DOCK11: variants seen among roughly 807,000 people sequenced by gnomAD.
DOCK11 encodes the protein dedicator of cytokinesis 11.
A neutral mutation model predicts 169.1 loss-of-function variants in DOCK11; 70 were observed. The observed-to-expected ratio is 0.41, with a 90% confidence interval of 0.34 to 0.51. The LOEUF is 0.51. Among genes scored for constraint, DOCK11 ranks in the 20% least tolerant of loss-of-function variants. The pLI, the probability that DOCK11 is intolerant of heterozygous loss-of-function variation, is 0.10. For synonymous variants in DOCK11, 529 were observed against 541.3 expected (o/e 0.98, Z 0.32); for missense variants, 1,166 against 1,538.8 (o/e 0.76, Z 4.05).
At chrX:118,525,870 T>A (rs933088973) in intron 1 of DOCK11, among the ~76,000 whole-genome samples, 3 of 111,600 alleles carry the variant, frequency 2.7e-5, no homozygotes. Context: ...AATACATAAA[T>A]CTTTAATGTT....
chrX:118,681,040 A>T lies in DOCK11; in HGVS notation c.5672-18A>T. On this transcript the variant is annotated intron_variant, in intron 49 of 52. Coordinates refer to ENST00000276202, the MANE Select transcript of DOCK11 (RefSeq NM_144658.4). ...ATGATTTTCTAAAGTCAGTAAATCA[A>T]TCTTAACATTTTAATAGCTTCAAAC... 1 of 1,134,515 alleles carries T rather than the reference A, an allele frequency of 8.8e-7. No individual in the cohort carries two copies. The highest frequency in any genetic ancestry group is 1.2e-6 in the Non-Finnish European group (1 of 857,333). The allele number at this position is 1,134,515 out of a possible 1,213,427, so 93.5% of individuals were successfully genotyped here.
chrX:118,509,163 T>A (rs1182138329), intron 1 of DOCK11, among the ~76,000 whole-genome samples: 1 of 111,820 alleles, frequency 8.9e-6, no homozygotes, highest in African/African-American at 3.3e-5. Context: ...CCTCTAGGAG[T>A]AAGTTCTTGC....
intron 44 of DOCK11, among the ~76,000 whole-genome samples, chrX:118,660,541 T>G (rs1476714503): frequency 1.8e-5 from 2 of 109,449 alleles, no homozygotes; most frequent in African/African-American, 6.7e-5. Flanking sequence ...CTCGGCTCAC[T>G]GCAAGCTCCA....
Position 118,568,080 on chromosome X carries a change from A to G in DOCK11, c.953A>G (p.Tyr318Cys), listed in dbSNP as rs761911366. 5 of 1,123,738 alleles carry G rather than the reference A, an allele frequency of 4.4e-6. No individual in the cohort carries two copies. Among genetic ancestry groups the G allele is most frequent in the Middle Eastern group, 2.7e-4 (1 of 3,703 alleles). The allele number at this position is 1,123,738 out of a possible 1,213,427, so 92.6% of individuals were successfully genotyped here. Residue 318 changes from tyrosine (Y) to cysteine (C), a missense_variant and splice_region_variant, in exon 10 of 53, where the codon TAT becomes TGT. By Grantham distance (194) the Tyr-to-Cys change is radical (BLOSUM62 -2). Coordinates refer to ENST00000276202, the MANE Select transcript of DOCK11 (RefSeq NM_144658.4). ...CATACTTATTTTTTAAAATTTTAGT[A>G]TGGAAGAGAAACTGAACAACTAAAC... ...ERSMHPELMK[Y>C]GRETEQLNKL...
Position 118,635,970 on chromosome X carries a change from A to C in DOCK11, c.3887-376A>C, listed in dbSNP as rs892945241. 5.4e-5 allele frequency among the ~76,000 whole-genome samples: 6 copies of C among 111,610 alleles called. No homozygotes were observed. The East Asian group carries it at 1.4e-3, about 26-fold the overall frequency. On this transcript the variant is annotated intron_variant, in intron 35 of 52. Coordinates refer to ENST00000276202, the MANE Select transcript of DOCK11 (RefSeq NM_144658.4). ...GCATTTGACCTTCTCAGAAAAATGC[A>C]CATAAACACACCATCTGGCATAAAA...
chrX:118,598,265 T>G (rs2014230836), intron 22 of DOCK11, 149 bp downstream of exon 22: 1 of 383,363 alleles, frequency 2.6e-6, no homozygotes, highest in African/African-American at 2.6e-5. Context: ...CAGTGGCTCA[T>G]GCCTGTAATC....
intron 13 of DOCK11, among the ~76,000 whole-genome samples, chrX:118,579,306 G>C (rs780716850): frequency 1.2e-3 from 136 of 111,609 alleles, no homozygotes; most frequent in Non-Finnish European, 2.3e-3. Flanking sequence ...TCAAATGTTT[G>C]GAAATCATCG....
At chrX:118,564,751 C>CCCTTCCTT (rs377633444) in intron 7 of DOCK11, among the ~76,000 whole-genome samples, 276 of 101,507 alleles carry the variant, frequency 2.7e-3, no homozygotes, top group African/African-American at 9.1e-3. Context: ...TTCCTTCTTT[C>CCCTTCCTT]CCTTCCTTCC....
chrX:118,668,091 TC>T lies in DOCK11; in HGVS notation c.5077-2930del, dbSNP rs995199753. On this transcript the variant is annotated intron_variant, in intron 45 of 52. Coordinates refer to ENST00000276202, the MANE Select transcript of DOCK11 (RefSeq NM_144658.4). Reference sequence around the variant, plus strand: ...CACGGAACAATTTTACTTTTTCTAATCCTGTATGCTTTTTCTCTTTCTCTTG... The same window carrying T: ...CACGGAACAATTTTACTTTTTCTAATCTGTATGCTTTTTCTCTTTCTCTTG... 3.6e-5 allele frequency among the ~76,000 whole-genome samples: 4 copies of T among 112,074 alleles called. No individual in the cohort carries two copies. The Admixed American group carries it at 3.8e-4, about 11-fold the overall frequency.
At chrX:118,591,097 C>T (rs2013979472) in intron 19 of DOCK11, among the ~76,000 whole-genome samples, 1 of 112,272 alleles carries the variant, frequency 8.9e-6, no homozygotes, top group African/African-American at 3.2e-5. Context: ...GCTGTCCCTG[C>T]TTCTCAGTCC....
intron 6 of DOCK11, among the ~76,000 whole-genome samples, chrX:118,558,682 C>T (rs778951103): frequency 1.8e-5 from 2 of 112,062 alleles, no homozygotes; most frequent in South Asian, 3.7e-4. Flanking sequence ...AGAGACCTTA[C>T]AATTTGTTGT....
At chrX:118,570,755 G>A (rs745838026) in intron 10 of DOCK11, among the ~76,000 whole-genome samples, 10 of 111,924 alleles carry the variant, frequency 8.9e-5, no homozygotes, top group Non-Finnish European at 1.7e-4. Context: ...TGCCTACAAT[G>A]TCTATGGCCT....
chrX:118,670,353 G>A (rs1029392264), intron 45 of DOCK11, among the ~76,000 whole-genome samples: 4 of 111,409 alleles, frequency 3.6e-5, no homozygotes, highest in African/African-American at 6.5e-5. Flanking sequence ...TGTTTTCATC[G>A]TTGAGAACAT....
intron 24 of DOCK11, among the ~76,000 whole-genome samples, chrX:118,607,380 G>T (rs1217106562): frequency 9.8e-6 from 1 of 101,923 alleles, no homozygotes; most frequent in Non-Finnish European, 2.0e-5. Flanking sequence ...CACCCAAAGT[G>T]CTGGGATTAC....
intron 24 of DOCK11, 85 bp downstream of exon 24, chrX:118,605,441 TC>T: frequency 1.5e-6 from 1 of 653,122 alleles, no homozygotes; most frequent in Non-Finnish European, 2.4e-6. Context: ...ACTATAAACT[TC>T]CCTCTTAGAA....
rs191796869 is a variant in DOCK11, at chrX:118,685,914, G to A, written c.*107G>A. ...TGATATACATGGAGTGTTTCTTCTCGACACCAAAATTTTCATGTGTTCCAA... is the reference window on the plus strand; with the variant it reads ...TGATATACATGGAGTGTTTCTTCTCAACACCAAAATTTTCATGTGTTCCAA... On this transcript the variant is annotated 3_prime_UTR_variant, in exon 53 of 53. Coordinates refer to ENST00000276202, the MANE Select transcript of DOCK11 (RefSeq NM_144658.4). 1.8e-3 allele frequency: 1,842 copies of A among 1,016,225 alleles called. 23 individuals carry two copies. The African/African-American group carries it at 0.029, about 16-fold the overall frequency. The allele number at this position is 1,016,225 out of a possible 1,213,427, so 83.7% of individuals were successfully genotyped here.
intron 32 of DOCK11, among the ~76,000 whole-genome samples, chrX:118,626,612 A>G (rs766004472): frequency 1.7e-4 from 19 of 110,985 alleles, no homozygotes; most frequent in Non-Finnish European, 3.4e-4. Flanking sequence ...AATTCCCCCT[A>G]TGAAATGCTA....
intron 38 of DOCK11, among the ~76,000 whole-genome samples, chrX:118,640,792 C>T (rs1213099377): frequency 4.3e-5 from 1 of 23,024 alleles, no homozygotes; most frequent in African/African-American, 2.3e-4. Context: ...CAGTATGACA[C>T]TGTGAGCCCT....
intron 1 of DOCK11, among the ~76,000 whole-genome samples, chrX:118,500,160 C>T (rs1309463974): frequency 1.2e-4 from 13 of 109,348 alleles, no homozygotes; most frequent in Admixed American, 5.8e-4. Context: ...GTCATTCTCC[C>T]GCCTCAGCCT....
Sources: gnomAD v4.1 joint callset for allele counts (sites outside exome capture counted in the v4.1 genomes callset) on GRCh38, gnomAD v4.1.1 for gene constraint, MANE v1.5 for transcripts, NCBI Gene and HGNC (gene_info 2026-07-23, HGNC 2026-07-21) for gene names.